TMEM131L: variants seen among roughly 807,000 people sequenced by gnomAD.
TMEM131L encodes the protein transmembrane protein 131-like.
Under a neutral mutation model 192.2 loss-of-function variants are expected in TMEM131L, and 54 were observed. The observed-to-expected ratio is 0.28, with a 90% CI of 0.23 to 0.35. The LOEUF (loss-of-function observed/expected upper bound fraction) is 0.35, where lower values mean the gene tolerates loss of function less well. TMEM131L is among the 10% of genes least tolerant of loss of function. The probability of loss-of-function intolerance (pLI) is 1.00; values close to 1 mark genes in which losing one functional copy is unlikely to be tolerated. For synonymous variants in TMEM131L, 701 were observed against 704.9 expected (o/e 0.99, Z 0.09); for missense variants, 1,888 against 1,972.9 (o/e 0.96, Z 0.82).
chr4:153,596,367 C>G lies in TMEM131L; in HGVS notation c.2105C>G (p.Thr702Ser). Residue 702 changes from threonine (T) to serine (S), a missense_variant, in exon 20 of 35, where the codon ACC becomes AGC. Coordinates refer to ENST00000409959, the MANE Select transcript of TMEM131L (RefSeq NM_001131007.2). Reference sequence around the variant, plus strand: ...ACACCTGCTGACTATGGAAAAGTTACCTCACTCATACTAATCCGGTAGGTG... The same window carrying G: ...ACACCTGCTGACTATGGAAAAGTTAGCTCACTCATACTAATCCGGTAGGTG... ...VFTPADYGKV[T>S]SLILIRNNLT... 2.3e-5 allele frequency: 37 copies of G among 1,613,794 alleles called. No individual in the cohort carries two copies. The highest frequency in any genetic ancestry group is 3.1e-5 in the Non-Finnish European group (37 of 1,179,740).
At chr4:153,582,110 A>G (rs1730375655) in intron 9 of TMEM131L, among the ~76,000 whole-genome samples, 2 of 152,236 alleles carry the variant, frequency 1.3e-5, no homozygotes, top group African/African-American at 2.4e-5. Flanking sequence ...TCTGTGATCC[A>G]TGAAATTCCT....
intron 25 of TMEM131L, among the ~76,000 whole-genome samples, chr4:153,610,886 C>T (rs1427175773): frequency 6.6e-6 from 1 of 152,092 alleles, no homozygotes; most frequent in South Asian, 2.1e-4. Flanking sequence ...GCCCTATGGT[C>T]ATCTAGACGT....
At chr4:153,569,397 A>T (rs981600627) in intron 7 of TMEM131L, among the ~76,000 whole-genome samples, 2 of 152,180 alleles carry the variant, frequency 1.3e-5, no homozygotes, top group African/African-American at 2.4e-5. Context: ...AGATAAATTC[A>T]CTAATAATCT....
rs775743619 is a variant in TMEM131L at position 153,592,555 on chromosome 4, C to T, written c.1893C>T (p.Pro631=). 120 of 1,613,916 alleles carry T rather than the reference C, an allele frequency of 7.4e-5. No individual in the cohort carries two copies. The highest frequency in any genetic ancestry group is 9.4e-5 in the Non-Finnish European group (111 of 1,179,908). The change falls in exon 18 of 35, where the codon CCC becomes CCT. Residue 631 remains proline (P), a synonymous_variant. Transcript: ENST00000409959. ...QLLPLSLYPK[P]EALVHLLHRW... Reference sequence around the variant, plus strand: ...TGCCTCTCTCCTTGTACCCTAAACCCGAAGCCCTAGTGCACCTGCTCCACA... The same window carrying T: ...TGCCTCTCTCCTTGTACCCTAAACCTGAAGCCCTAGTGCACCTGCTCCACA...
rs1189338138 is a variant in TMEM131L at position 153,556,948 on chromosome 4, T to TG, written c.433-14dup. On this transcript the variant is annotated splice_polypyrimidine_tract_variant and intron_variant, in intron 5 of 34. Transcript: ENST00000409959. ...AAGGAGGCCATTCCAAGTGGCTGAC[T>TG]GGGGACCTTTCTTTCAGGTAATTCC... 1 of 1,254,182 alleles carries TG rather than the reference T, an allele frequency of 8.0e-7. No individual in the cohort carries two copies. Among genetic ancestry groups the TG allele is most frequent in the Non-Finnish European group, 1.2e-6 (1 of 861,274 alleles). 77.7% of individuals were successfully genotyped at this position (1,254,182 alleles called of 1,614,324 possible). A position where few individuals can be genotyped will look rare whatever the true frequency, so the allele number is the denominator to read the frequency against.
intron 3 of TMEM131L, among the ~76,000 whole-genome samples, chr4:153,490,953 CAAAAAA>C (rs3040164): frequency 1.2e-5 from 1 of 82,108 alleles, no homozygotes. Context: ...GACTCTGTCT[CAAAAAA>C]AAAAAAAAAA....
At chr4:153,487,850 T>G (rs1476559844) in intron 3 of TMEM131L, among the ~76,000 whole-genome samples, 1 of 147,756 alleles carries the variant, frequency 6.8e-6, no homozygotes, top group Non-Finnish European at 1.5e-5. Flanking sequence ...GAGGTGTATG[T>G]GTGTGAGAGA....
At chr4:153,603,223 C>T in intron 23 of TMEM131L, 80 bp from the exon 24 acceptor site, 1 of 1,207,808 alleles carries the variant, frequency 8.3e-7, no homozygotes, top group Non-Finnish European at 1.1e-6. Context: ...AAATCATTCC[C>T]CACTCTTCTG....
chr4:153,502,232 C>T (rs1331604013), intron 3 of TMEM131L, among the ~76,000 whole-genome samples: 1 of 152,172 alleles, frequency 6.6e-6, no homozygotes, highest in Non-Finnish European at 1.5e-5. Flanking sequence ...GTGTGAACCA[C>T]CGCGGCTGTC....
At position 153,636,693 on chromosome 4, in the gene TMEM131L, A is replaced by G; in HGVS notation, c.*117A>G. 9.7e-7 allele frequency: 1 copy of G among 1,030,646 alleles called. No homozygotes were observed. Among genetic ancestry groups the G allele is most frequent in the Non-Finnish European group, 1.4e-6 (1 of 721,576 alleles). The allele number at this position is 1,030,646 out of a possible 1,614,324, so 63.8% of individuals were successfully genotyped here. ...GGATATTTTGGCACTTTTATATGAA[A>G]ATAAATTTTTTAATGAAATCTGGGT... is the stretch of plus-strand genomic sequence containing the variant. On this transcript the variant is annotated 3_prime_UTR_variant, in exon 35 of 35. Coordinates refer to ENST00000409959, the MANE Select transcript of TMEM131L (RefSeq NM_001131007.2).
At position 153,466,406 on chromosome 4, in the gene TMEM131L, GCT is replaced by G; in HGVS notation, c.11_12del (p.Leu4ProfsTer40). MAG[L>X]RRPQPGCYCR... ...GGAGCGCGAGCAGCAGCATGGCGGG[GCT>G]CCGACGCCCGCAGCCCGGCTGCTAC... On this transcript the variant is annotated frameshift_variant, in exon 1 of 35. Coordinates refer to ENST00000409959, the MANE Select transcript of TMEM131L (RefSeq NM_001131007.2). LOFTEE classifies it high-confidence loss of function. The G allele has an allele frequency of 7.4e-7, 1 of 1,345,776 alleles. No individual in the cohort carries two copies. 83.4% of individuals were successfully genotyped at this position (1,345,776 alleles called of 1,614,324 possible).
intron 7 of TMEM131L, among the ~76,000 whole-genome samples, chr4:153,572,025 T>C (rs1729621164): frequency 6.6e-6 from 1 of 152,226 alleles, no homozygotes; most frequent in Non-Finnish European, 1.5e-5. Flanking sequence ...AACCTGACTT[T>C]CTAGATGTTG....
rs1020446776 is a variant in TMEM131L, at chr4:153,467,267, C to A, written c.181C>A (p.Leu61Met). 2 of 1,551,696 alleles carry A rather than the reference C, an allele frequency of 1.3e-6. No individual in the cohort carries two copies. Among genetic ancestry groups the A allele is most frequent in the Non-Finnish European group, 1.7e-6 (2 of 1,146,954 alleles). ...GTGGCAGGCAGAAGAAGGGGAACTC[C>A]TGCTGCCCACTCAGGTGAGGACGAC... ...ELWQAEEGEL[L>M]LPTQGDSEEG... is the part of the protein sequence containing the mutation. Residue 61 changes from leucine (L) to methionine (M), a missense_variant, in exon 2 of 35, where the codon CTG becomes ATG. Coordinates refer to ENST00000409959, the MANE Select transcript of TMEM131L (RefSeq NM_001131007.2).
intron 26 of TMEM131L, among the ~76,000 whole-genome samples, chr4:153,616,821 T>C (rs1662003927): frequency 6.6e-6 from 1 of 152,230 alleles, no homozygotes; most frequent in South Asian, 2.1e-4. Context: ...AGCTTTGTTT[T>C]CAGTGGTTAC....
chr4:153,580,943 C>T (rs1561210690), intron 8 of TMEM131L, 40 bp downstream of exon 8: 1 of 1,370,884 alleles, frequency 7.3e-7, no homozygotes. Flanking sequence ...TGCTTTCCTC[C>T]TGCCTCTTTG....
intron 3 of TMEM131L, among the ~76,000 whole-genome samples, chr4:153,475,743 A>G (rs1205043180): frequency 6.6e-6 from 1 of 152,240 alleles, no homozygotes; most frequent in Non-Finnish European, 1.5e-5. Flanking sequence ...TCCTTAATAC[A>G]GTATAAAAAC....
intron 3 of TMEM131L, among the ~76,000 whole-genome samples, chr4:153,543,700 T>G (rs549548641): frequency 4.6e-5 from 7 of 152,350 alleles, no homozygotes; most frequent in South Asian, 2.1e-4. Context: ...CAGCTGGGTC[T>G]TAGAAATACC....
At chr4:153,507,382 G>A (rs528670961) in intron 3 of TMEM131L, among the ~76,000 whole-genome samples, 47 of 152,302 alleles carry the variant, frequency 3.1e-4, no homozygotes, top group African/African-American at 1.1e-3. Flanking sequence ...GATCTGCGTG[G>A]CACATCTCCA....
At chr4:153,600,317 C>T (rs942765589) in intron 21 of TMEM131L, among the ~76,000 whole-genome samples, 2 of 150,530 alleles carry the variant, frequency 1.3e-5, no homozygotes, top group African/African-American at 4.9e-5. Flanking sequence ...CAGTGAGCTA[C>T]GATCATGCCA....
Sources: allele counts gnomAD v4.1 joint callset (sites outside exome capture counted in the v4.1 genomes callset), GRCh38; gene constraint gnomAD v4.1.1; transcripts MANE v1.5; gene names NCBI Gene and HGNC (gene_info 2026-07-23, HGNC 2026-07-21).